Variants in ABCD4 observed in about 807,000 individuals in gnomAD.
ABCD4 encodes the protein ATP binding cassette subfamily D member 4.
In ABCD4, 53 loss-of-function variants were observed where a neutral mutation model predicts 86.3. That is an observed-to-expected ratio of 0.61 (90% CI 0.49 to 0.77). The LOEUF (loss-of-function observed/expected upper bound fraction) is 0.77, where lower values mean the gene tolerates loss of function less well. ABCD4 is among the 30% of genes least tolerant of loss of function. The probability of loss-of-function intolerance (pLI) is 0.00; values close to 1 mark genes in which losing one functional copy is unlikely to be tolerated. For synonymous variants in ABCD4, 328 were observed against 313.6 expected, an observed-to-expected ratio of 1.05 and a Z score of -0.49; for missense variants, 757 against 764.5, an observed-to-expected ratio of 0.99 and a Z score of 0.12.
At chr14:74,294,380 C>T (rs74063825) in intron 7 of ABCD4, 9,846 of 152,362 alleles carry the variant, frequency 0.065, 1,076 homozygotes, top group African/African-American at 0.22. Context: ...TTTACACACC[C>T]AGCCCTGCCC....
intron 1 of ABCD4, 72 bp from the exon 2 acceptor site, chr14:74,300,340 C>G: frequency 1.0e-6 from 1 of 986,492 alleles, no homozygotes; most frequent in Non-Finnish European, 1.6e-6. Context: ...TTATTAAGCT[C>G]ATCCACATTG....
At chr14:74,293,088 G>C in intron 8 of ABCD4, 66 bp downstream of exon 8, 1 of 1,526,130 alleles carries the variant, frequency 6.6e-7, no homozygotes, top group Non-Finnish European at 9.0e-7. Context: ...GAGGTAGAGA[G>C]GTGTGGGAAG....
chr14:74,289,529 G>A lies in ABCD4; in HGVS notation c.1420-10C>T. On this transcript the variant is annotated splice_polypyrimidine_tract_variant and intron_variant, in intron 13 of 18. Coordinates refer to ENST00000356924, the MANE Select transcript of ABCD4 (RefSeq NM_005050.4). ...TCAGGGGATATATCACCTGAGAAAAGAAAAAAACCACACCAACCTAGGAGG... is the reference window on the plus strand; with the variant it reads ...TCAGGGGATATATCACCTGAGAAAAAAAAAAAACCACACCAACCTAGGAGG... 5.0e-6 allele frequency: 8 copies of A among 1,609,890 alleles called. No individual in the cohort carries two copies. The highest frequency in any genetic ancestry group is 1.3e-5 in the African/African-American group (1 of 74,904).
At chr14:74,292,456 G>A (rs568577701) in intron 10 of ABCD4, 80 bp from the exon 11 acceptor site, 1 of 1,586,328 alleles carries the variant, frequency 6.3e-7, no homozygotes, top group Admixed American at 1.7e-5. Context: ...ACACCCACGA[G>A]TACATGGTAT....
intron 14 of ABCD4, chr14:74,289,108 T>C (rs2080702759): frequency 2.6e-6 from 2 of 775,496 alleles, no homozygotes; most frequent in Non-Finnish European, 1.5e-6. Flanking sequence ...TGAAACTCCA[T>C]CTCAAAAAAA....
intron 5 of ABCD4, 118 bp downstream of exon 5, chr14:74,296,215 G>A (rs1476447692): frequency 1.7e-6 from 2 of 1,166,592 alleles, no homozygotes; most frequent in Non-Finnish European, 2.5e-6. Context: ...GGATGGGTGA[G>A]CACGTGGTAA....
chr14:74,296,195 T>C, intron 5 of ABCD4, 138 bp downstream of exon 5: 1 of 1,115,660 alleles, frequency 9.0e-7, no homozygotes, highest in Non-Finnish European at 1.3e-6. Flanking sequence ...GGCAGGGGCC[T>C]GAGCACGTGG....
chr14:74,289,368 G>T, intron 14 of ABCD4, 115 bp downstream of exon 14: 1 of 1,506,810 alleles, frequency 6.6e-7, no homozygotes, highest in Non-Finnish European at 8.8e-7. Flanking sequence ...CCTCTTCCTT[G>T]AATCAGCGGC....
chr14:74,299,355 G>T (rs897088036), intron 3 of ABCD4, 193 bp downstream of exon 3: 8 of 622,492 alleles, frequency 1.3e-5, no homozygotes, highest in Non-Finnish European at 2.2e-5. Context: ...AACATCTGAG[G>T]AATCAGTCCC....
In ABCD4 at chr14:74,292,803, A is replaced by G; in HGVS notation, c.881T>C (p.Phe294Ser). Residue 294 changes from phenylalanine to serine, a missense_variant, in exon 9 of 19, where the codon TTC becomes TCC. By Grantham distance (155) the Phe-to-Ser change is radical. Coordinates refer to ENST00000356924, the MANE Select transcript of ABCD4 (RefSeq NM_005050.4). Reference protein sequence around the residue: ...LSYVVIAIPIFSGVYGDLSPA... With the variant: ...LSYVVIAIPISSGVYGDLSPA... ...ACTCAGGTCTCCATAGACCCCGCTGAAAATGGGGATTGCGATGACAACGTA... is the reference window on the plus strand; with the variant it reads ...ACTCAGGTCTCCATAGACCCCGCTGGAAATGGGGATTGCGATGACAACGTA... 6.2e-7 allele frequency: 1 copy of G among 1,614,162 alleles called. No homozygotes were observed. The highest frequency in any genetic ancestry group is 8.5e-7 in the Non-Finnish European group (1 of 1,180,014).
chr14:74,287,898 T>G lies in ABCD4; in HGVS notation c.1560-12A>C, dbSNP rs74061802. On this transcript the variant is annotated splice_polypyrimidine_tract_variant and intron_variant, in intron 16 of 18. Transcript: ENST00000356924. ...ACAGAACATCATACCTGAGGAAAGGTAGGAGAGAGGACTGCTAGAGGAGGA... is the reference window on the plus strand; with the variant it reads ...ACAGAACATCATACCTGAGGAAAGGGAGGAGAGAGGACTGCTAGAGGAGGA... 0.012 allele frequency: 19,595 copies of G among 1,609,026 alleles called. 2,009 individuals are homozygous for G. In the African/African-American group the frequency reaches 0.23, roughly 19 times the overall value.
At chr14:74,294,475 G>C (rs1338124499) in intron 7 of ABCD4, 1 of 152,394 alleles carries the variant, frequency 6.6e-6, no homozygotes, top group East Asian at 1.9e-4. Context: ...CAGAGACTGA[G>C]GAGCAAAGGT....
chr14:74,289,355 G>A, intron 14 of ABCD4, 128 bp downstream of exon 14: 1 of 1,481,026 alleles, frequency 6.8e-7, no homozygotes, highest in Admixed American at 2.6e-5. Flanking sequence ...GAGGAGAGGA[G>A]CCCCTCTTCC....
At chr14:74,288,812 G>C in intron 14 of ABCD4, 47 bp from the exon 15 acceptor site, 1 of 1,600,322 alleles carries the variant, frequency 6.2e-7, no homozygotes, top group Non-Finnish European at 8.5e-7. Flanking sequence ...CCTCCTGGCT[G>C]GTCAAAATAG....
rs72730107 is a variant in ABCD4 at position 74,290,662 on chromosome 14, A to G, written c.1119-163T>C. On this transcript the variant is annotated intron_variant, in intron 11 of 18. Transcript: ENST00000356924. ...CCAGCCCCCTAGTGACTCAGAATGT[A>G]ACTGCATTCGGAGGCAGGGTCTTTT... 0.025 allele frequency among the ~76,000 whole-genome samples: 3,683 copies of G among 149,350 alleles called. 96 individuals are homozygous for G. The highest frequency in any genetic ancestry group is 0.063 in the African/African-American group (2,547 of 40,530).
intron 6 of ABCD4, 45 bp from the exon 7 acceptor site, chr14:74,295,243 G>A (rs765288247): frequency 6.2e-7 from 1 of 1,609,330 alleles, no homozygotes; most frequent in Middle Eastern, 1.7e-4. Flanking sequence ...AGGGAGTACT[G>A]GCCTCACTCT....
At chr14:74,302,342 A>G (rs2140157204) in intron 1 of ABCD4, among the ~76,000 whole-genome samples, 1 of 152,342 alleles carries the variant, frequency 6.6e-6, no homozygotes, top group African/African-American at 2.4e-5. Context: ...GTTTAAAGAA[A>G]AATCACAGCA....
Position 74,290,024 on chromosome 14 carries a change from G to C in ABCD4, c.1419+3C>G. ...AGGAGTGAGCCCCCTGAACTAGACT[G>C]ACCTGCTCCCGAAGGGTCCCGTCAG... is the stretch of plus-strand genomic sequence containing the variant. On this transcript the variant is annotated splice_donor_region_variant and intron_variant, in intron 13 of 18. Coordinates refer to ENST00000356924, the MANE Select transcript of ABCD4 (RefSeq NM_005050.4). 6.2e-7 allele frequency: 1 copy of C among 1,614,160 alleles called. No individual in the cohort carries two copies. The highest frequency in any genetic ancestry group is 1.3e-5 in the African/African-American group (1 of 75,024).
rs1313933781 is a variant in ABCD4, at chr14:74,299,780, G to A, written c.158-105C>T. 20 of 1,207,516 alleles carry A rather than the reference G, an allele frequency of 1.7e-5. No individual in the cohort carries two copies. In the Admixed American group the frequency reaches 4.0e-4, roughly 24 times the overall value. The allele number at this position is 1,207,516 out of a possible 1,614,324, so 74.8% of individuals were successfully genotyped here. ...TCAGCACCCCAAAGAGATGAAAAGGGGCCGGGCGCGGTGGCTCACGCCTGT... is the reference window on the plus strand; with the variant it reads ...TCAGCACCCCAAAGAGATGAAAAGGAGCCGGGCGCGGTGGCTCACGCCTGT... On this transcript the variant is annotated intron_variant, in intron 2 of 18. Coordinates refer to ENST00000356924, the MANE Select transcript of ABCD4 (RefSeq NM_005050.4).
Sources: allele counts gnomAD v4.1 joint callset (sites outside exome capture counted in the v4.1 genomes callset), GRCh38; gene constraint gnomAD v4.1.1; transcripts MANE v1.5; gene names NCBI Gene and HGNC (gene_info 2026-07-23, HGNC 2026-07-21).